Variants in CNIH3 observed in about 807,000 individuals in gnomAD.
CNIH3 encodes cornichon family AMPA receptor auxiliary protein 3, also known as protein cornichon homolog 3.
Under a neutral mutation model 24.1 loss-of-function variants are expected in CNIH3, and 14 were observed. The observed-to-expected ratio is 0.58, with a 90% CI of 0.38 to 0.91. CNIH3 has a LOEUF of 0.91. CNIH3 is among the 40% of genes least tolerant of loss of function. The pLI is 0.00. For synonymous variants in CNIH3, 68 were observed against 73.8 expected (o/e 0.92, Z 0.40); for missense variants, 178 against 196.8 (o/e 0.90, Z 0.57).
intron 1 of CNIH3, among the ~76,000 whole-genome samples, chr1:224,623,316 G>A (rs1432274910): frequency 5.9e-5 from 9 of 152,118 alleles, no homozygotes; most frequent in Non-Finnish European, 1.2e-4. Context: ...TCCTGCTGCT[G>A]CTCTCCACTG....
intron 4 of CNIH3, among the ~76,000 whole-genome samples, chr1:224,568,119 G>A (rs1048257807): frequency 6.6e-6 from 1 of 152,038 alleles, no homozygotes; most frequent in African/African-American, 2.4e-5. Context: ...GTAAAACCCC[G>A]TCTTTACTAA....
chr1:224,613,115 A>T (rs1424914365), upstream of CNIH3, among the ~76,000 whole-genome samples: 3 of 152,190 alleles, frequency 2.0e-5, no homozygotes, highest in Non-Finnish European at 4.4e-5. Flanking sequence ...CTCTGGCCTC[A>T]GCCTCCTGAG....
At chr1:224,517,684 G>A (rs193058545) in intron 1 of CNIH3, among the ~76,000 whole-genome samples, 14 of 150,744 alleles carry the variant, frequency 9.3e-5, no homozygotes, top group East Asian at 7.8e-4. Flanking sequence ...ATGCCTTTGC[G>A]TCCTTATAGC....
intron 1 of CNIH3, among the ~76,000 whole-genome samples, chr1:224,501,527 T>A (rs577209556): frequency 0.2 from 19,010 of 96,150 alleles, 1,967 homozygotes; most frequent in African/African-American, 0.39. Context: ...ATATATATAT[T>A]TTTTTTTTTT....
chr1:224,478,380 T>C (rs532566170), intron 1 of CNIH3, among the ~76,000 whole-genome samples: 1 of 152,348 alleles, frequency 6.6e-6, no homozygotes, highest in South Asian at 2.1e-4. Context: ...TATTTTCAAA[T>C]AGCTTCTTCT....
chr1:224,711,794 CAAAAAAAAAA>C (rs11437581), intron 3 of CNIH3, among the ~76,000 whole-genome samples: 8 of 65,670 alleles, frequency 1.2e-4, no homozygotes, highest in African/African-American at 3.7e-4. Context: ...GACCCTGTCT[CAAAAAAAAAA>C]AAAAAAAAAA....
At chr1:224,655,416 A>G (rs1406457734) in intron 1 of CNIH3, among the ~76,000 whole-genome samples, 1 of 152,142 alleles carries the variant, frequency 6.6e-6, no homozygotes. Flanking sequence ...GGGATCTGGA[A>G]GGGTAAATGG....
intron 1 of CNIH3, chr1:224,435,257 C>T: frequency 1.0e-6 from 1 of 970,108 alleles, no homozygotes. Context: ...GTGGTAGGCC[C>T]CTCTCAATGG....
intron 4 of CNIH3, among the ~76,000 whole-genome samples, chr1:224,572,533 A>T (rs922072138): frequency 6.6e-6 from 1 of 151,632 alleles, no homozygotes; most frequent in Non-Finnish European, 1.5e-5. Flanking sequence ...AAAAAAAAAA[A>T]AGAATTCACT....
chr1:224,646,562 C>T (rs574131498), intron 1 of CNIH3, among the ~76,000 whole-genome samples: 9 of 152,238 alleles, frequency 5.9e-5, no homozygotes, highest in South Asian at 2.1e-4. Flanking sequence ...TGTGCCTCCA[C>T]GCCCAGCTAA....
intron 1 of CNIH3, among the ~76,000 whole-genome samples, chr1:224,668,098 A>G (rs574646176): frequency 1.3e-5 from 2 of 152,370 alleles, no homozygotes; most frequent in African/African-American, 4.8e-5. Flanking sequence ...GGATGGAGCA[A>G]AAGGGCTAAT....
chr1:224,501,149 TTACTAA>T (rs1340848706), intron 1 of CNIH3, among the ~76,000 whole-genome samples: 16 of 152,212 alleles, frequency 1.1e-4, no homozygotes, highest in Admixed American at 9.8e-4. Context: ...TCATGTGCAT[TTACTAA>T]TTCTGCTTTG....
intron 3 of CNIH3, among the ~76,000 whole-genome samples, chr1:224,564,871 T>A (rs10799585): frequency 0.2 from 29,962 of 152,182 alleles, 3,291 homozygotes; most frequent in East Asian, 0.42. Context: ...TACAGCTCAA[T>A]TGGCTCCTGA....
chr1:224,626,887 G>A (rs1390993619), intron 1 of CNIH3, among the ~76,000 whole-genome samples: 1 of 152,170 alleles, frequency 6.6e-6, no homozygotes, highest in East Asian at 1.9e-4. Flanking sequence ...TCACTGACGA[G>A]CCTGGGTCTC....
chr1:224,724,066 A>T (rs1012481997), intron 3 of CNIH3, among the ~76,000 whole-genome samples: 22 of 152,244 alleles, frequency 1.4e-4, no homozygotes, highest in Non-Finnish European at 2.5e-4. Flanking sequence ...ATTTTAAAAA[A>T]TTTTAAATAA....
At chr1:224,519,646 G>T (rs1394498583) in intron 1 of CNIH3, among the ~76,000 whole-genome samples, 1 of 149,436 alleles carries the variant, frequency 6.7e-6, no homozygotes, top group Non-Finnish European at 1.5e-5. Flanking sequence ...TACATTTTGT[G>T]TGTGTACTCT....
At chr1:224,633,426 T>C (rs1298612006) in intron 1 of CNIH3, among the ~76,000 whole-genome samples, 9 of 152,168 alleles carry the variant, frequency 5.9e-5, no homozygotes, top group African/African-American at 2.2e-4. Flanking sequence ...CCCAAAGTGC[T>C]GGGCTTACAG....
chr1:224,534,626 G>C (rs1333404579), intron 2 of CNIH3, among the ~76,000 whole-genome samples: 1 of 152,164 alleles, frequency 6.6e-6, no homozygotes, highest in South Asian at 2.1e-4. Flanking sequence ...AAGCAGTAAT[G>C]GACTCAGCAG....
At chr1:224,723,401 G>A (rs924502708) in intron 3 of CNIH3, among the ~76,000 whole-genome samples, 1 of 152,224 alleles carries the variant, frequency 6.6e-6, no homozygotes, top group Non-Finnish European at 1.5e-5. Flanking sequence ...GTCCAAGTGG[G>A]TGCCAAGAAG....
Sources: gnomAD v4.1 joint callset for allele counts (sites outside exome capture counted in the v4.1 genomes callset) on GRCh38, gnomAD v4.1.1 for gene constraint, MANE v1.5 for transcripts, NCBI Gene and HGNC (gene_info 2026-07-23, HGNC 2026-07-21) for gene names.